Variants in GRID2IP observed in about 807,000 individuals in gnomAD.
GRID2IP encodes delphilin.
Under a neutral mutation model 114.3 loss-of-function variants are expected in GRID2IP, and 78 were observed. The observed-to-expected ratio is 0.68, with a 90% CI of 0.57 to 0.82. The LOEUF (loss-of-function observed/expected upper bound fraction) is 0.82, where lower values mean the gene tolerates loss of function less well. GRID2IP is among the 40% of genes least tolerant of loss of function. The pLI, the probability that GRID2IP is intolerant of heterozygous loss-of-function variation, is 0.00. For synonymous variants in GRID2IP, 809 were observed against 724.0 expected (o/e 1.12, Z -1.89); for missense variants, 1,727 against 1,678.5 (o/e 1.03, Z -0.51).
chr7:6,502,779 C>T lies in GRID2IP; in HGVS notation c.3150+7G>A. The T allele has an allele frequency of 1.9e-6, 3 of 1,548,716 alleles. No homozygotes were observed. Among genetic ancestry groups the T allele is most frequent in the South Asian group, 2.4e-5 (2 of 84,006 alleles). ...ACCAGTCGATTGCTGCCGGCAGGTC[C>T]CCTCACCTCTGTCAGAAAGTTGATC... On this transcript the variant is annotated splice_region_variant and intron_variant, in intron 18 of 21. Transcript: ENST00000457091.
rs1049656471 is a variant in GRID2IP at position 6,506,583 on chromosome 7, G to A, written c.2545-676C>T. Reference sequence around the variant, plus strand: ...CTTTGGTAACCAATGGAAGAACCACGCTGTGGAGCAATACTTGAAGATCGG... The same window carrying A: ...CTTTGGTAACCAATGGAAGAACCACACTGTGGAGCAATACTTGAAGATCGG... On this transcript the variant is annotated intron_variant, in intron 13 of 21. Transcript: ENST00000457091. This position sits in a 1 kb window ranked among gnomAD's most constrained non-coding sequence, Gnocchi z 5.2. Among the ~76,000 whole-genome samples, 7 of 152,138 alleles carry A rather than the reference G, an allele frequency of 4.6e-5. No homozygotes were observed. The highest frequency in any genetic ancestry group is 1.4e-4 in the African/African-American group (6 of 41,424).
chr7:6,545,229 T>G (rs1779869982), intron 1 of GRID2IP, among the ~76,000 whole-genome samples: 2 of 151,900 alleles, frequency 1.3e-5, no homozygotes. Flanking sequence ...CAGTAAGCCA[T>G]GATCACACCA....
At chr7:6,498,289 GGCCCGACAGACAGGTCCCTAGCA>G (rs1786316284) in intron 20 of GRID2IP, 61 bp from the exon 21 acceptor site, 2 of 1,449,994 alleles carry the variant, frequency 1.4e-6, no homozygotes, top group African/African-American at 1.4e-5. Context: ...CTCAGGTGGT[GGCCCGACAGACAGGTCCCTAGCA>G]GCCCTATTCC....
In GRID2IP at chr7:6,508,307, G is replaced by T; in HGVS notation, c.2222C>A (p.Thr741Asn). The T allele has an allele frequency of 1.3e-6, 2 of 1,550,452 alleles. No homozygotes were observed. Among genetic ancestry groups the T allele is most frequent in the Non-Finnish European group, 1.7e-6 (2 of 1,146,884 alleles). The change falls in exon 13 of 22, where the codon ACC becomes AAC. Residue 741 changes from threonine to asparagine, a missense_variant. Physicochemically the swap from Thr to Asn is moderately conservative, Grantham distance 65. Transcript: ENST00000457091. This position sits in a 1 kb window ranked among gnomAD's most constrained non-coding sequence, Gnocchi z 5.6. ...ISSSEEGSSL[T>N]YSSISDHIPP... The stretch of plus-strand genomic sequence containing the variant: ...GATGTGGTCAGAGATGGAGGAGTAG[G>T]TCAGGGAGCTGCCTTCTTCACTGCT...
rs1299798146 is a variant in GRID2IP, at chr7:6,516,237, A to G, written c.1269-1708T>C. 6.6e-6 allele frequency among the ~76,000 whole-genome samples: 1 copy of G among 151,998 alleles called. No homozygotes were observed. The highest frequency in any genetic ancestry group is 1.9e-4 in the East Asian group (1 of 5,202). ...CAAGCCACCCAGATGCCAAGGCAAGAGACCGAGGGCACAAGCTGTTCCAAT... is the reference window on the plus strand; with the variant it reads ...CAAGCCACCCAGATGCCAAGGCAAGGGACCGAGGGCACAAGCTGTTCCAAT... On this transcript the variant is annotated intron_variant, in intron 7 of 21. Transcript: ENST00000457091. This position sits in a 1 kb window ranked among gnomAD's most constrained non-coding sequence, Gnocchi z 4.3.
intron 2 of GRID2IP, among the ~76,000 whole-genome samples, chr7:6,527,067 T>C (rs1386330253): frequency 6.6e-6 from 1 of 151,992 alleles, no homozygotes; most frequent in Non-Finnish European, 1.5e-5. Context: ...TCAAAGCCAG[T>C]CCACGGACCC....
At chr7:6,524,289 C>T (rs1009633312) in intron 4 of GRID2IP, among the ~76,000 whole-genome samples, 1 of 152,208 alleles carries the variant, frequency 6.6e-6, no homozygotes, top group Non-Finnish European at 1.5e-5. Flanking sequence ...TGATGACACA[C>T]AGAGTGTGGA....
chr7:6,548,539 A>G (rs1299549156), intron 1 of GRID2IP, among the ~76,000 whole-genome samples: 1 of 151,914 alleles, frequency 6.6e-6, no homozygotes, highest in Non-Finnish European at 1.5e-5. Context: ...AAAAATCAAA[A>G]TAATGTAAAA....
At chr7:6,522,834 T>TGTGTGTG (rs56059022) in intron 4 of GRID2IP, among the ~76,000 whole-genome samples, 1 of 147,120 alleles carries the variant, frequency 6.8e-6, no homozygotes, top group South Asian at 2.2e-4. Context: ...TGTGTGTGTG[T>TGTGTGTG]TAGCGTGTGT....
intron 8 of GRID2IP, among the ~76,000 whole-genome samples, chr7:6,513,949 A>G (rs946873681): frequency 3.3e-5 from 2 of 60,090 alleles, no homozygotes; most frequent in Admixed American, 3.1e-4. Context: ...CTCCGTCTCA[A>G]AAAAAAAAAA....
chr7:6,539,642 TG>T, intron 2 of GRID2IP, 75 bp downstream of exon 2: 1 of 1,369,962 alleles, frequency 7.3e-7, no homozygotes, highest in Non-Finnish European at 9.8e-7. Flanking sequence ...AAGGGGTGCC[TG>T]GGGTGGTTGT....
At position 6,521,563 on chromosome 7, in the gene GRID2IP, G is replaced by T; in HGVS notation, c.990-40C>A. Reference sequence around the variant, plus strand: ...TGGCCCAGGAGGGCCTGACTGGGGTGAGCCCTGTCCACGGCCACCAGCCAG... The same window carrying T: ...TGGCCCAGGAGGGCCTGACTGGGGTTAGCCCTGTCCACGGCCACCAGCCAG... On this transcript the variant is annotated intron_variant, in intron 5 of 21. Coordinates refer to ENST00000457091, the MANE Select transcript of GRID2IP (RefSeq NM_001145118.2). This position sits in a 1 kb window ranked among gnomAD's most constrained non-coding sequence, Gnocchi z 4.1. The T allele has an allele frequency of 6.9e-7, 1 of 1,447,636 alleles. No individual in the cohort carries two copies. The highest frequency in any genetic ancestry group is 9.4e-7 in the Non-Finnish European group (1 of 1,067,682). The allele number at this position is 1,447,636 out of a possible 1,614,324, so 89.7% of individuals were successfully genotyped here.
Position 6,503,604 on chromosome 7 carries a change from C to CGGGCTCCAGGCGCCG in GRID2IP, c.2779_2793dup (p.Arg927_Pro931dup). On this transcript the variant is annotated inframe_insertion, in exon 16 of 22. Coordinates refer to ENST00000457091, the MANE Select transcript of GRID2IP (RefSeq NM_001145118.2). ...AAGAGCAGCAGCTGCGCGAGATGTGCGGGCTCCAGGCGCCGGGGCTCCATG... is the reference window on the plus strand; with the variant it reads ...AAGAGCAGCAGCTGCGCGAGATGTGCGGGCTCCAGGCGCCGGGGCTCCAGGCGCCGGGGCTCCATG... The CGGGCTCCAGGCGCCG allele has an allele frequency of 1.3e-6, 2 of 1,529,162 alleles. No homozygotes were observed. The highest frequency in any genetic ancestry group is 8.7e-7 in the Non-Finnish European group (1 of 1,144,380). The allele number at this position is 1,529,162 out of a possible 1,614,324, so 94.7% of individuals were successfully genotyped here. A position where few individuals can be genotyped will look rare whatever the true frequency, so the allele number is the denominator to read the frequency against.
rs1258625083 is a variant in GRID2IP at position 6,539,847 on chromosome 7, G to A, written c.455C>T (p.Pro152Leu). ...RKVDEILGDQ[P>L]TAKEQVFAAL... is the part of the protein sequence containing the mutation. ...AGCGAACACCTGCTCCTTGGCAGTT[G>A]GCTGGTCCCCCAAGATTTCATCCAC... is the stretch of plus-strand genomic sequence containing the variant. Residue 152 changes from proline to leucine, a missense_variant, in exon 2 of 22, where the codon CCA becomes CTA. Physicochemically the swap from Pro to Leu is moderately conservative, Grantham distance 98. Transcript: ENST00000457091. 1 of 1,551,332 alleles carries A rather than the reference G, an allele frequency of 6.4e-7. No individual in the cohort carries two copies. Among genetic ancestry groups the A allele is most frequent in the South Asian group, 1.2e-5 (1 of 84,020 alleles).
At chr7:6,544,974 C>A (rs1010384134) in intron 1 of GRID2IP, among the ~76,000 whole-genome samples, 2 of 152,096 alleles carry the variant, frequency 1.3e-5, no homozygotes, top group Non-Finnish European at 2.9e-5. Flanking sequence ...GTAGTCCCAG[C>A]TACTCGGGAG....
chr7:6,502,857 C>T lies in GRID2IP; in HGVS notation c.3079G>A (p.Gly1027Ser). Reference sequence around the variant, plus strand: ...GGCTGTCCATCGTTGAGATAGTTGCCCATGGCCAACACAAACTGTGGACAA... The same window carrying T: ...GGCTGTCCATCGTTGAGATAGTTGCTCATGGCCAACACAAACTGTGGACAA... Reference protein sequence around the residue: ...AKILEFVLAMGNYLNDGQPKT... With the variant: ...AKILEFVLAMSNYLNDGQPKT... The change falls in exon 18 of 22, where the codon GGC (glycine) becomes AGC (serine). Residue 1027 changes from glycine (G) to serine (S), a missense_variant. Coordinates refer to ENST00000457091, the MANE Select transcript of GRID2IP (RefSeq NM_001145118.2). The T allele has an allele frequency of 6.4e-7, 1 of 1,551,814 alleles. No individual in the cohort carries two copies. The highest frequency in any genetic ancestry group is 1.2e-5 in the South Asian group (1 of 84,048).
intron 4 of GRID2IP, among the ~76,000 whole-genome samples, chr7:6,524,973 C>T (rs1779481757): frequency 6.6e-6 from 1 of 151,780 alleles, no homozygotes; most frequent in South Asian, 2.1e-4. Context: ...CTGCCTTGGC[C>T]TCCTAAAATG....
At chr7:6,504,931 A>T in intron 14 of GRID2IP, 61 bp from the exon 15 acceptor site, 1 of 1,420,740 alleles carries the variant, frequency 7.0e-7, no homozygotes, top group Non-Finnish European at 9.7e-7. Flanking sequence ...GGGAAGGCCC[A>T]GGGGTGGCGT....
Position 6,502,855 on chromosome 7 carries a change from G to C in GRID2IP, c.3081C>G (p.Gly1027=). Residue 1027 remains glycine (G), a synonymous_variant, in exon 18 of 22, where the codon GGC becomes GGG. Transcript: ENST00000457091. The part of the protein sequence containing the change: ...AKILEFVLAM[G]NYLNDGQPKT... ...TGGGCTGTCCATCGTTGAGATAGTT[G>C]CCCATGGCCAACACAAACTGTGGAC... 1 of 1,551,830 alleles carries C rather than the reference G, an allele frequency of 6.4e-7. No individual in the cohort carries two copies.
Sources: gnomAD v4.1 joint callset for allele counts (sites outside exome capture counted in the v4.1 genomes callset) on GRCh38, gnomAD v4.1.1 for gene constraint, Gnocchi (gnomAD v3.1) non-coding constraint, MANE v1.5 for transcripts, NCBI Gene and HGNC (gene_info 2026-07-23, HGNC 2026-07-21) for gene names.